The following RAPGEF4 variants were observed in gnomAD, a reference collection of about 807,000 sequenced individuals.
RAPGEF4 encodes the protein RAP guanine-nucleotide-exchange factor (GEF) 4.
Under a neutral mutation model 147.9 loss-of-function variants are expected in RAPGEF4, and 66 were observed. The ratio of observed to expected loss-of-function variants is 0.45; its 90% CI spans 0.37 to 0.55. The LOEUF is 0.55. Ranked by LOEUF, RAPGEF4 falls within the 20% of genes least tolerant of loss-of-function variation. The probability of loss-of-function intolerance (pLI) is 0.00; values close to 1 mark genes in which losing one functional copy is unlikely to be tolerated. For missense variants in RAPGEF4, 1,071 were observed against 1,257.3 expected (o/e 0.85, Z 2.24); for synonymous variants, 419 against 442.7 (o/e 0.95, Z 0.67).
At chr2:172,988,145 AT>A in intron 12 of RAPGEF4, 50 bp from the exon 13 acceptor site, 1 of 1,547,972 alleles carries the variant, frequency 6.5e-7, no homozygotes, top group Non-Finnish European at 8.6e-7. Context: ...TGTAATTTAT[AT>A]TGATGTGCTT....
intron 6 of RAPGEF4, among the ~76,000 whole-genome samples, chr2:172,939,722 G>C (rs1420283337): frequency 6.6e-6 from 1 of 151,932 alleles, no homozygotes. Flanking sequence ...ATTTTCCCCT[G>C]TATTTTCTTC....
intron 10 of RAPGEF4, among the ~76,000 whole-genome samples, chr2:172,970,370 G>A (rs994511229): frequency 2.2e-4 from 33 of 152,106 alleles, no homozygotes; most frequent in African/African-American, 5.1e-4. Flanking sequence ...TTCTACTGCC[G>A]AAAGTGCTAA....
chr2:173,048,712 A>G, intron 30 of RAPGEF4, 58 bp downstream of exon 30: 2 of 1,612,716 alleles, frequency 1.2e-6, no homozygotes, highest in Admixed American at 1.7e-5. Context: ...GGTCTTCTTA[A>G]TGAGGCCATT....
intron 3 of RAPGEF4, among the ~76,000 whole-genome samples, chr2:172,813,532 T>C (rs946531197): frequency 2.6e-5 from 4 of 152,320 alleles, no homozygotes; most frequent in African/African-American, 7.2e-5. Context: ...TGTAAACTTA[T>C]AGTCAGATTT....
chr2:172,964,707 T>C (rs944952576), intron 8 of RAPGEF4, among the ~76,000 whole-genome samples: 1 of 152,190 alleles, frequency 6.6e-6, no homozygotes, highest in African/African-American at 2.4e-5. Flanking sequence ...CCATCATCCC[T>C]TGGGATTGAG....
At chr2:172,942,353 G>T (rs1687246264) in intron 6 of RAPGEF4, among the ~76,000 whole-genome samples, 1 of 151,544 alleles carries the variant, frequency 6.6e-6, no homozygotes, top group Non-Finnish European at 1.5e-5. Context: ...ACCACCATCT[G>T]CTTTCTTCCT....
chr2:172,767,296 A>G (rs550474729), intron 1 of RAPGEF4, among the ~76,000 whole-genome samples: 339 of 151,236 alleles, frequency 2.2e-3, no homozygotes, highest in Non-Finnish European at 3.6e-3. Context: ...CTCCTGCCTC[A>G]GCTTCCCGAG....
intron 29 of RAPGEF4, among the ~76,000 whole-genome samples, chr2:173,037,884 T>C (rs930960125): frequency 6.6e-6 from 1 of 152,216 alleles, no homozygotes; most frequent in African/African-American, 2.4e-5. Flanking sequence ...AGACTTCTTA[T>C]CAGAAAACTG....
chr2:172,957,690 T>C (rs1688880703), intron 6 of RAPGEF4, among the ~76,000 whole-genome samples: 1 of 152,212 alleles, frequency 6.6e-6, no homozygotes, highest in Non-Finnish European at 1.5e-5. Context: ...GCATCCTTCA[T>C]TCATCATGTT....
At chr2:172,920,306 G>A (rs903012502) in intron 5 of RAPGEF4, among the ~76,000 whole-genome samples, 2 of 151,810 alleles carry the variant, frequency 1.3e-5, no homozygotes, top group African/African-American at 4.8e-5. Context: ...TTGAAAATAA[G>A]GACTTTTTCA....
intron 4 of RAPGEF4, among the ~76,000 whole-genome samples, chr2:172,910,874 G>A (rs1444486976): frequency 6.6e-6 from 1 of 152,138 alleles, no homozygotes; most frequent in Non-Finnish European, 1.5e-5. Flanking sequence ...GCATCCTATT[G>A]GTTACAACAG....
chr2:173,000,747 TTTC>T (rs201244549), intron 16 of RAPGEF4, among the ~76,000 whole-genome samples: 50,037 of 125,300 alleles, frequency 0.4, 9,584 homozygotes, highest in East Asian at 0.77. Context: ...CTTTTCTTTC[TTTC>T]TTTTTTTTTT....
intron 1 of RAPGEF4, among the ~76,000 whole-genome samples, chr2:172,736,970 G>A (rs1287609578): frequency 6.6e-6 from 1 of 152,330 alleles, no homozygotes; most frequent in East Asian, 1.9e-4. Flanking sequence ...ATTTGCATTT[G>A]TGTGAAATAT....
chr2:172,913,714 CTG>C (rs1340082688), intron 4 of RAPGEF4, among the ~76,000 whole-genome samples: 1 of 152,112 alleles, frequency 6.6e-6, no homozygotes, highest in Admixed American at 6.5e-5. Context: ...TGATGTCTTA[CTG>C]GTAGAATCCT....
chr2:172,971,307 T>C (rs1018411288), intron 10 of RAPGEF4, among the ~76,000 whole-genome samples: 19 of 152,148 alleles, frequency 1.2e-4, no homozygotes, highest in African/African-American at 3.4e-4. Context: ...TTCAGGATGG[T>C]CTATCAGAGA....
At position 172,963,177 on chromosome 2, in the gene RAPGEF4, G is replaced by A. The variant is rs1021157481; in HGVS notation, c.698+1949G>A. Among the ~76,000 whole-genome samples the A allele has an allele frequency of 4.3e-4, 65 of 152,128 alleles. 2 individuals are homozygous for A. Among genetic ancestry groups the A allele is most frequent in the Admixed American group, 2.0e-4 (3 of 15,276 alleles). The stretch of plus-strand genomic sequence containing the variant: ...AAGCAAAAGGGGAAAATTTGCCCCC[G>A]TGATCCAATCACCTCCCACCAGGCC... On this transcript the variant is annotated intron_variant, in intron 8 of 30. Transcript: ENST00000397081.
intron 4 of RAPGEF4, among the ~76,000 whole-genome samples, chr2:172,905,031 G>C (rs972856896): frequency 2.0e-5 from 3 of 151,718 alleles, no homozygotes; most frequent in Admixed American, 1.3e-4. Flanking sequence ...AATTCCCCTT[G>C]CCCTTATTCT....
intron 4 of RAPGEF4, among the ~76,000 whole-genome samples, chr2:172,859,288 T>G (rs895549409): frequency 5.3e-5 from 8 of 152,186 alleles, no homozygotes; most frequent in Non-Finnish European, 1.2e-4. Context: ...TCATTGTAAA[T>G]CTGAGTTTAA....
chr2:173,011,170 G>GCGCACGCACA lies in RAPGEF4; in HGVS notation c.1659-3293_1659-3292insGCACGCACAC, dbSNP rs564434178. ...AACCTTGGAACTTCAGCGCGCGCGCGCACACACACACACACACACACACAC... is the reference window on the plus strand; with the variant it reads ...AACCTTGGAACTTCAGCGCGCGCGCGCGCACGCACACACACACACACACACACACACACAC... On this transcript the variant is annotated intron_variant, in intron 17 of 30. Coordinates refer to ENST00000397081, the MANE Select transcript of RAPGEF4 (RefSeq NM_007023.4). Among the ~76,000 whole-genome samples the GCGCACGCACA allele has an allele frequency of 1.8e-3, 241 of 133,568 alleles. 3 individuals carry two copies. The highest frequency in any genetic ancestry group is 4.0e-3 in the African/African-American group (141 of 34,860). The allele number at this position is 133,568 out of a possible 152,430, so 87.6% of individuals were successfully genotyped here.
Sources: allele counts gnomAD v4.1 joint callset (sites outside exome capture counted in the v4.1 genomes callset), GRCh38; gene constraint gnomAD v4.1.1; transcripts MANE v1.5; gene names NCBI Gene and HGNC (gene_info 2026-07-23, HGNC 2026-07-21).